The following LAMA3 variants were observed in gnomAD, a reference collection of about 807,000 sequenced individuals.
The protein encoded by LAMA3 is laminin subunit alpha-3.
Under a neutral mutation model 402.0 loss-of-function variants are expected in LAMA3, and 281 were observed. The observed-to-expected ratio is 0.70, with a 90% confidence interval of 0.63 to 0.77. LAMA3 has a LOEUF of 0.77. Among genes scored for constraint, LAMA3 ranks in the 30% least tolerant of loss-of-function variants. The pLI is 0.00. For synonymous variants in LAMA3, 1,431 were observed against 1,558.4 expected (o/e 0.92, Z 1.93); for missense variants, 3,840 against 4,215.5 (o/e 0.91, Z 2.47).
rs775530951 is a variant in LAMA3, at chr18:23,907,737, C to T, written c.6836-19C>T. On this transcript the variant is annotated intron_variant, in intron 53 of 74. Transcript: ENST00000313654. ...GAACGTTTTAGATACTTATACCTCC[C>T]TATCTGTGTGTGCATTAGGTGATAT... 2 of 1,613,964 alleles carry T rather than the reference C, an allele frequency of 1.2e-6. No homozygotes were observed. The highest frequency in any genetic ancestry group is 2.2e-5 in the South Asian group (2 of 91,028).
intron 2 of LAMA3, among the ~76,000 whole-genome samples, chr18:23,740,874 C>T (rs2061550374): frequency 6.6e-6 from 1 of 152,146 alleles, no homozygotes; most frequent in African/African-American, 2.4e-5. Context: ...GATCCACCTT[C>T]CCTCCTCTGG....
chr18:23,797,249 A>C (rs974682102), intron 12 of LAMA3, among the ~76,000 whole-genome samples: 1 of 151,522 alleles, frequency 6.6e-6, no homozygotes, highest in Non-Finnish European at 1.5e-5. Flanking sequence ...CTTGTCTTGT[A>C]ACTACCTTTT....
chr18:23,707,749 CTTT>C (rs112324401), intron 1 of LAMA3, among the ~76,000 whole-genome samples: 2 of 140,830 alleles, frequency 1.4e-5, no homozygotes, highest in Non-Finnish European at 1.6e-5. Context: ...AAACAAAATT[CTTT>C]TTTTTTTTTT....
chr18:23,916,979 T>C (rs766844966), intron 60 of LAMA3, among the ~76,000 whole-genome samples: 2 of 132,220 alleles, frequency 1.5e-5, no homozygotes, highest in Non-Finnish European at 3.3e-5. Context: ...ACCCAGGTAA[T>C]AAATGTAGTA....
chr18:23,891,003 G>T lies in LAMA3; in HGVS notation c.5410+886G>T, dbSNP rs147910950. ...AAAACTTCCCCTTCACCTACAGAAG[G>T]TTTACAGAAAATCAGTGGACAAAAG... On this transcript the variant is annotated intron_variant, in intron 42 of 74. Coordinates refer to ENST00000313654, the MANE Select transcript of LAMA3 (RefSeq NM_198129.4). 3.9e-3 allele frequency among the ~76,000 whole-genome samples: 590 copies of T among 152,318 alleles called. 1 individual carries two copies. The highest frequency in any genetic ancestry group is 7.1e-3 in the Non-Finnish European group (480 of 68,032).
intron 40 of LAMA3, among the ~76,000 whole-genome samples, chr18:23,883,446 C>G (rs2064968411): frequency 6.6e-6 from 1 of 152,170 alleles, no homozygotes; most frequent in Non-Finnish European, 1.5e-5. Context: ...TTCTGAAAAT[C>G]AAGAAGATAC....
At chr18:23,804,376 G>C (rs2062922879) in intron 12 of LAMA3, among the ~76,000 whole-genome samples, 1 of 152,052 alleles carries the variant, frequency 6.6e-6, no homozygotes, top group Non-Finnish European at 1.5e-5. Flanking sequence ...CCTTGTTCTG[G>C]GACTCACACT....
intron 8 of LAMA3, among the ~76,000 whole-genome samples, chr18:23,766,324 G>A (rs900546495): frequency 9.2e-5 from 14 of 152,124 alleles, no homozygotes; most frequent in Admixed American, 6.5e-4. Flanking sequence ...CCAGAATTCC[G>A]TATTCAGTAA....
At chr18:23,700,934 T>C (rs2060780338) in intron 1 of LAMA3, among the ~76,000 whole-genome samples, 1 of 152,114 alleles carries the variant, frequency 6.6e-6, no homozygotes, top group South Asian at 2.1e-4. Flanking sequence ...CTGGGCTCAA[T>C]CTATCCTCTC....
intron 2 of LAMA3, among the ~76,000 whole-genome samples, chr18:23,733,828 C>G (rs1415461853): frequency 6.6e-6 from 1 of 152,168 alleles, no homozygotes; most frequent in Admixed American, 6.5e-5. Flanking sequence ...CCAGGGCTAC[C>G]TGATCATGAG....
intron 2 of LAMA3, 118 bp downstream of exon 2, chr18:23,714,190 A>C: frequency 9.7e-7 from 1 of 1,030,638 alleles, no homozygotes; most frequent in Non-Finnish European, 1.4e-6. Flanking sequence ...TCCCCTCATC[A>C]TTGTTAAACC....
At chr18:23,758,328 A>C in intron 6 of LAMA3, 68 bp from the exon 7 acceptor site, 1 of 1,135,754 alleles carries the variant, frequency 8.8e-7, no homozygotes, top group East Asian at 2.5e-5. Context: ...TCAGGTTCGC[A>C]CTATAGGATC....
intron 12 of LAMA3, 66 bp from the exon 13 acceptor site, chr18:23,810,300 G>C (rs756585135): frequency 1.1e-4 from 178 of 1,590,790 alleles, no homozygotes; most frequent in Non-Finnish European, 9.7e-5. Context: ...TCTGCTCCGG[G>C]ACGTGGTTCT....
At chr18:23,774,968 A>G (rs1388437641) in intron 9 of LAMA3, among the ~76,000 whole-genome samples, 1 of 152,130 alleles carries the variant, frequency 6.6e-6, no homozygotes, top group Non-Finnish European at 1.5e-5. Flanking sequence ...CTGTTTCATC[A>G]CCTTTCTAGT....
In LAMA3 at chr18:23,873,190, G is replaced by A. The variant is rs774558848; in HGVS notation, c.4998+1529G>A. ...CCCGGTCAAAGTCAACTGCAAGCGA[G>A]TTATGTGGAGTTTAGACCCAGCCAG... On this transcript the variant is annotated intron_variant, in intron 38 of 74. Transcript: ENST00000313654. 26 of 1,614,220 alleles carry A rather than the reference G, an allele frequency of 1.6e-5. No homozygotes were observed. In the South Asian group the frequency reaches 1.6e-4, roughly 10 times the overall value.
At chr18:23,704,465 T>C (rs1002746892) in intron 1 of LAMA3, among the ~76,000 whole-genome samples, 1 of 152,232 alleles carries the variant, frequency 6.6e-6, no homozygotes, top group Non-Finnish European at 1.5e-5. Context: ...CTCTGAGCTG[T>C]TTCTTCATCT....
intron 41 of LAMA3, among the ~76,000 whole-genome samples, chr18:23,885,890 G>T (rs1568298735): frequency 6.6e-6 from 1 of 151,884 alleles, no homozygotes; most frequent in East Asian, 1.9e-4. Context: ...TAAAAAGCTG[G>T]CTGTTTGTTC....
intron 34 of LAMA3, among the ~76,000 whole-genome samples, chr18:23,860,244 T>A (rs1266967998): frequency 6.6e-6 from 1 of 150,812 alleles, no homozygotes; most frequent in Admixed American, 6.7e-5. Flanking sequence ...TATCTTTTCT[T>A]TGGTCACTTT....
At chr18:23,749,917 G>A (rs2061714761) in intron 4 of LAMA3, among the ~76,000 whole-genome samples, 2 of 152,138 alleles carry the variant, frequency 1.3e-5, no homozygotes, top group Non-Finnish European at 2.9e-5. Context: ...AAGGACAGGT[G>A]GCAGCAGGTA....
Sources: gnomAD v4.1 joint callset for allele counts (sites outside exome capture counted in the v4.1 genomes callset) on GRCh38, gnomAD v4.1.1 for gene constraint, MANE v1.5 for transcripts, NCBI Gene and HGNC (gene_info 2026-07-23, HGNC 2026-07-21) for gene names.